The following CEMIP variants were observed in gnomAD, a reference collection of about 807,000 sequenced individuals.
CEMIP encodes cell migration inducing hyaluronidase 1, also known as cell migration-inducing and hyaluronan-binding protein.
A neutral mutation model predicts 156.9 loss-of-function variants in CEMIP; 105 were observed. The ratio of observed to expected loss-of-function variants is 0.67; its 90% CI spans 0.57 to 0.79. The LOEUF (loss-of-function observed/expected upper bound fraction) is 0.79. CEMIP is among the 30% of genes least tolerant of loss of function. The pLI is 0.00. For missense variants in CEMIP, 1,457 were observed against 1,769.4 expected (o/e 0.82, Z 3.17); for synonymous variants, 676 against 668.4 (o/e 1.01, Z -0.17).
chr15:80,821,495 G>A (rs1308335709), intron 1 of CEMIP, among the ~76,000 whole-genome samples: 2 of 152,140 alleles, frequency 1.3e-5, no homozygotes, highest in Admixed American at 6.5e-5. Context: ...CAGGGAGATC[G>A]GCAGGGAGGC....
intron 28 of CEMIP, among the ~76,000 whole-genome samples, chr15:80,944,212 G>A (rs559772307): frequency 3.3e-5 from 5 of 152,254 alleles, no homozygotes; most frequent in South Asian, 2.1e-4. Flanking sequence ...CCCAGGAGGC[G>A]GACGTTGCAG....
At position 80,895,123 on chromosome 15, in the gene CEMIP, G is replaced by A; in HGVS notation, c.1219+1G>A. 1 of 1,614,178 alleles carries A rather than the reference G, an allele frequency of 6.2e-7. No homozygotes were observed. The highest frequency in any genetic ancestry group is 1.3e-5 in the African/African-American group (1 of 75,052). The stretch of plus-strand genomic sequence containing the variant: ...GTACGGTTCCTCTGTGGGAAGCCTG[G>A]TAAGCAGCCCCTTGTCGGGGACACA... On this transcript the variant is annotated splice_donor_variant, in intron 11 of 29. Transcript: ENST00000394685. LOFTEE classifies it high-confidence loss of function.
At chr15:80,896,463 C>A in intron 12 of CEMIP, 1 of 429,478 alleles carries the variant, frequency 2.3e-6, no homozygotes, top group Non-Finnish European at 4.6e-6. Flanking sequence ...TAAAGCACAA[C>A]ACAAATAGGC....
chr15:80,814,663 G>T (rs1198451159), intron 1 of CEMIP, among the ~76,000 whole-genome samples: 3 of 152,176 alleles, frequency 2.0e-5, no homozygotes, highest in Non-Finnish European at 4.4e-5. Flanking sequence ...CAAAGGATAG[G>T]TAGGCTTTGG....
At chr15:80,806,286 C>A (rs749940616) in intron 1 of CEMIP, among the ~76,000 whole-genome samples, 2 of 152,090 alleles carry the variant, frequency 1.3e-5, no homozygotes, top group African/African-American at 2.4e-5. Context: ...ATGCAGATGG[C>A]GTTGAAATTG....
rs1900979386 is a variant in CEMIP at position 80,932,949 on chromosome 15, T to G, written c.2794-296T>G. On this transcript the variant is annotated intron_variant, in intron 22 of 29. Transcript: ENST00000394685. This position sits in a 1 kb window ranked among gnomAD's most constrained non-coding sequence, Gnocchi z 4.5. ...CAGTCCCCCTCCTCCATCTCTGCAG[T>G]TGGTGAAGGCTGTGTGTCAGAGCAG... Among the ~76,000 whole-genome samples the G allele has an allele frequency of 6.6e-6, 1 of 152,198 alleles. No homozygotes were observed. The highest frequency in any genetic ancestry group is 6.5e-5 in the Admixed American group (1 of 15,278).
chr15:80,920,535 G>A (rs1464914898), intron 15 of CEMIP, among the ~76,000 whole-genome samples: 1 of 152,214 alleles, frequency 6.6e-6, no homozygotes, highest in East Asian at 1.9e-4. Flanking sequence ...TGTCCAAAGA[G>A]GATCCCTGTT....
At position 80,879,771 on chromosome 15, in the gene CEMIP, C is replaced by T. The variant is rs142486242; in HGVS notation, c.297C>T (p.Ile99=). The T allele has an allele frequency of 1.1e-5, 17 of 1,614,090 alleles. No individual in the cohort carries two copies. The African/African-American group carries it at 2.1e-4, about 20-fold the overall frequency. ...DEPIVLRTRH[I]LIDNGGELHA... Reference sequence around the variant, plus strand: ...CGATTGTTTTGCGAACCCGGCACATCCTGATTGACAACGGAGGAGAGCTGC... The same window carrying T: ...CGATTGTTTTGCGAACCCGGCACATTCTGATTGACAACGGAGGAGAGCTGC... Residue 99 remains isoleucine (I), a synonymous_variant, in exon 5 of 30, where the codon ATC becomes ATT. Coordinates refer to ENST00000394685, the MANE Select transcript of CEMIP (RefSeq NM_001293298.2).
At chr15:80,944,611 T>C (rs1397948875) in intron 28 of CEMIP, among the ~76,000 whole-genome samples, 1 of 152,026 alleles carries the variant, frequency 6.6e-6, no homozygotes, top group Non-Finnish European at 1.5e-5. Context: ...CCTGGCGAGA[T>C]TTTGGATAAT....
chr15:80,825,392 C>T (rs2066689351), intron 1 of CEMIP, among the ~76,000 whole-genome samples: 1 of 152,132 alleles, frequency 6.6e-6, no homozygotes, highest in Non-Finnish European at 1.5e-5. Context: ...AATAGCTGAA[C>T]CAGGAAAAAA....
At chr15:80,840,998 G>A (rs967657607) in intron 1 of CEMIP, among the ~76,000 whole-genome samples, 1 of 152,164 alleles carries the variant, frequency 6.6e-6, no homozygotes, top group African/African-American at 2.4e-5. Context: ...CCTCCAGGCT[G>A]CTATCCTGGA....
At chr15:80,784,523 A>G (rs1157350276) in intron 1 of CEMIP, among the ~76,000 whole-genome samples, 1 of 152,004 alleles carries the variant, frequency 6.6e-6, no homozygotes, top group African/African-American at 2.4e-5. Context: ...GGACAGGCAC[A>G]TTTTTCTGTG....
intron 25 of CEMIP, among the ~76,000 whole-genome samples, chr15:80,940,952 T>G (rs1901312794): frequency 6.6e-6 from 1 of 152,214 alleles, no homozygotes; most frequent in African/African-American, 2.4e-5. Flanking sequence ...CCATGTGGTC[T>G]TTTAGTTCAA....
At chr15:80,797,680 G>A (rs1414042621) in intron 1 of CEMIP, among the ~76,000 whole-genome samples, 3 of 152,108 alleles carry the variant, frequency 2.0e-5, no homozygotes, top group Non-Finnish European at 4.4e-5. Flanking sequence ...CTCTGCTGCA[G>A]TGACTGGCAA....
At chr15:80,899,868 C>G (rs777514271) in intron 12 of CEMIP, among the ~76,000 whole-genome samples, 1 of 152,194 alleles carries the variant, frequency 6.6e-6, no homozygotes, top group Admixed American at 6.5e-5. Flanking sequence ...TGTGAAGAAG[C>G]CTCTGGGAGG....
chr15:80,875,103 G>A (rs915871846), intron 3 of CEMIP, among the ~76,000 whole-genome samples: 3 of 132,948 alleles, frequency 2.3e-5, no homozygotes, highest in Non-Finnish European at 4.6e-5. Context: ...ATATGATCGT[G>A]GTTCACTGCA....
intron 28 of CEMIP, 167 bp from the exon 29 acceptor site, chr15:80,946,798 G>A (rs1427156804): frequency 6.0e-6 from 4 of 663,490 alleles, no homozygotes; most frequent in Non-Finnish European, 1.1e-5. Context: ...CATGGAAAGA[G>A]CCCGTCAGCT....
intron 22 of CEMIP, among the ~76,000 whole-genome samples, 164 bp from the exon 23 acceptor site, chr15:80,933,081 G>T (rs1900985638): frequency 6.6e-6 from 1 of 152,206 alleles, no homozygotes; most frequent in African/African-American, 2.4e-5. Flanking sequence ...GACTCCGGTT[G>T]CATCGGAGGG....
intron 1 of CEMIP, among the ~76,000 whole-genome samples, chr15:80,812,557 C>G (rs747638610): frequency 6.6e-6 from 1 of 152,252 alleles, no homozygotes; most frequent in Non-Finnish European, 1.5e-5. Flanking sequence ...TTTTGTCAAG[C>G]GTAGTAACAC....
Sources: gnomAD v4.1 joint callset for allele counts (sites outside exome capture counted in the v4.1 genomes callset) on GRCh38, gnomAD v4.1.1 for gene constraint, Gnocchi (gnomAD v3.1) non-coding constraint, MANE v1.5 for transcripts, NCBI Gene and HGNC (gene_info 2026-07-23, HGNC 2026-07-21) for gene names.